Variants in ABCA10 observed in about 807,000 individuals in gnomAD.
ABCA10 encodes the protein ATP-binding cassette sub-family A member 10.
In ABCA10, 169 loss-of-function variants were observed where a neutral mutation model predicts 187.5. The observed-to-expected ratio is 0.90, with a 90% CI of 0.80 to 1.02. The LOEUF (loss-of-function observed/expected upper bound fraction) is 1.02. Ranked by LOEUF, ABCA10 falls within the 50% of genes least tolerant of loss-of-function variation. The pLI, the probability that ABCA10 is intolerant of heterozygous loss-of-function variation, is 0.00. For synonymous variants in ABCA10, 574 were observed against 601.8 expected (o/e 0.95, Z 0.68); for missense variants, 1,727 against 1,812.4 (o/e 0.95, Z 0.86).
chr17:69,244,658 T>G lies in ABCA10; in HGVS notation c.-722A>C, dbSNP rs140910950. Reference sequence around the variant, plus strand: ...ATTAAAAATACATTAAGGATAAACATTTCTATTTCTCAAAAATTAATGCCT... The same window carrying G: ...ATTAAAAATACATTAAGGATAAACAGTTCTATTTCTCAAAAATTAATGCCT... On this transcript the variant is annotated 5_prime_UTR_variant, in exon 1 of 40. Coordinates refer to the ABCA10 transcript ENST00000269081. 12 of 151,648 alleles carry G rather than the reference T, an allele frequency of 7.9e-5. No individual in the cohort carries two copies. The East Asian group carries it at 2.3e-3, about 29-fold the overall frequency. 9.4% of individuals were successfully genotyped at this position (151,648 alleles called of 1,614,324 possible). A position where few individuals can be genotyped will look rare whatever the true frequency, so the allele number is the denominator to read the frequency against.
Position 69,174,313 on chromosome 17 carries a change from T to G in ABCA10, c.3130A>C (p.Asn1044His), listed in dbSNP as rs1347936827. 1 of 1,608,762 alleles carries G rather than the reference T, an allele frequency of 6.2e-7. No individual in the cohort carries two copies. The highest frequency in any genetic ancestry group is 1.7e-5 in the Admixed American group (1 of 58,822). Reference sequence around the variant, plus strand: ...AAGCCAAAAGACCAAAAGCCATTATTTTTTCTCCACTTGCGAAAGATGAAT... The same window carrying G: ...AAGCCAAAAGACCAAAAGCCATTATGTTTTCTCCACTTGCGAAAGATGAAT... ...LSFIFRKWRK[N>H]NGFWSFGFFI... Residue 1044 changes from asparagine (N) to histidine (H), a missense_variant, in exon 25 of 39, where the codon AAT (asparagine) becomes CAT (histidine). Transcript: ENST00000690296.
chr17:69,152,035 T>C lies in ABCA10; in HGVS notation c.4397+8A>G. 6.2e-7 allele frequency: 1 copy of C among 1,605,400 alleles called. No individual in the cohort carries two copies. Among genetic ancestry groups the C allele is most frequent in the African/African-American group, 1.3e-5 (1 of 74,322 alleles). ...ATACTTGTCACTCAAACCGAAAACA[T>C]CCTTTACCTTTCCTGCCAAGCAGCC... On this transcript the variant is annotated splice_region_variant and intron_variant, in intron 36 of 38. Transcript: ENST00000690296.
Position 69,182,198 on chromosome 17 carries a change from A to G in ABCA10, c.2724T>C (p.Phe908=). The G allele has an allele frequency of 6.3e-7, 1 of 1,598,030 alleles. No homozygotes were observed. Among genetic ancestry groups the G allele is most frequent in the Non-Finnish European group, 8.5e-7 (1 of 1,171,832 alleles). The change falls in exon 22 of 39, where the codon TTT becomes TTC. Residue 908 remains phenylalanine, a synonymous_variant. Coordinates refer to ENST00000690296, the MANE Select transcript of ABCA10 (RefSeq NM_001377321.1). ...CCATTTGAATAAGCTCCGTGAAGTT[A>G]AAAATTCCCATAAGGGCATTGCTAA... ...GIVSNALMGI[F]NFTELIQMES... is the part of the protein sequence containing the mutation.
At chr17:69,213,920 C>T (rs550829978) in intron 9 of ABCA10, among the ~76,000 whole-genome samples, 5 of 152,118 alleles carry the variant, frequency 3.3e-5, no homozygotes, top group South Asian at 4.1e-4. Context: ...GCTGATGTTT[C>T]GACAAAAGGG....
chr17:69,227,735 C>T (rs2074805400), intron 1 of ABCA10, among the ~76,000 whole-genome samples: 1 of 151,984 alleles, frequency 6.6e-6, no homozygotes, highest in South Asian at 2.1e-4. Context: ...TTGAATTGCA[C>T]ATCTGGGCAC....
intron 22 of ABCA10, among the ~76,000 whole-genome samples, chr17:69,180,216 A>C (rs2074369049): frequency 6.6e-6 from 1 of 152,228 alleles, no homozygotes; most frequent in African/African-American, 2.4e-5. Context: ...GCAGAAGAGA[A>C]AGCTGTGCCA....
rs374452486 is a variant in ABCA10 at position 69,199,182 on chromosome 17, C to T, written c.1176-2060G>A. Among the ~76,000 whole-genome samples the T allele has an allele frequency of 4.6e-5, 7 of 152,304 alleles. No individual in the cohort carries two copies. In the South Asian group the frequency reaches 1.2e-3, roughly 27 times the overall value. On this transcript the variant is annotated intron_variant, in intron 10 of 38. Transcript: ENST00000690296. ...TCATAAGACTCACCTTAAGAGTCACCTCCTTTTGACTTTCCCCACTACACT... is the reference window on the plus strand; with the variant it reads ...TCATAAGACTCACCTTAAGAGTCACTTCCTTTTGACTTTCCCCACTACACT...
intron 1 of ABCA10, among the ~76,000 whole-genome samples, chr17:69,235,388 A>C (rs970800824): frequency 1.3e-5 from 2 of 152,132 alleles, no homozygotes; most frequent in African/African-American, 4.8e-5. Context: ...GCCTTCTTTA[A>C]GTTTGTTGAA....
At chr17:69,150,284 A>G (rs1442486281) in intron 36 of ABCA10, 1 of 427,802 alleles carries the variant, frequency 2.3e-6, no homozygotes, top group African/African-American at 2.0e-5. Context: ...AATTCTGAGA[A>G]ATAGCTCTGA....
chr17:69,149,974 C>T lies in ABCA10; in HGVS notation c.4477+10G>A, dbSNP rs2074115920. The T allele has an allele frequency of 1.3e-6, 2 of 1,594,368 alleles. No homozygotes were observed. The highest frequency in any genetic ancestry group is 1.3e-5 in the African/African-American group (1 of 74,156). On this transcript the variant is annotated intron_variant, in intron 37 of 38. Transcript: ENST00000690296. ...TACATAAAGTCTTATTTATATATAC[C>T]CAAACTTACTCGCCTCTAACTTGAA... is the stretch of plus-strand genomic sequence containing the variant.
intron 20 of ABCA10, among the ~76,000 whole-genome samples, chr17:69,185,233 G>A (rs2074412082): frequency 6.6e-6 from 1 of 151,938 alleles, no homozygotes; most frequent in Non-Finnish European, 1.5e-5. Context: ...CAAAATCTCA[G>A]AAATCACCAT....
At chr17:69,210,440 C>T (rs1024574925) in intron 9 of ABCA10, among the ~76,000 whole-genome samples, 1 of 151,744 alleles carries the variant, frequency 6.6e-6, no homozygotes, top group African/African-American at 2.4e-5. Flanking sequence ...CCACTCGCCT[C>T]GGCCTCCCAA....
chr17:69,182,017 C>A (rs1459641884), intron 22 of ABCA10, 136 bp downstream of exon 22: 1 of 849,516 alleles, frequency 1.2e-6, no homozygotes, highest in African/African-American at 1.8e-5. Flanking sequence ...GATGAAGACA[C>A]AAAGGCAAGG....
At chr17:69,205,873 T>C (rs888054942) in intron 9 of ABCA10, among the ~76,000 whole-genome samples, 1 of 152,198 alleles carries the variant, frequency 6.6e-6, no homozygotes, top group Admixed American at 6.5e-5. Context: ...TAAAAGCTAA[T>C]TAAAGTCTAG....
intron 34 of ABCA10, 93 bp from the exon 35 acceptor site, chr17:69,152,574 A>G (rs2074138312): frequency 7.4e-6 from 11 of 1,495,182 alleles, no homozygotes; most frequent in Non-Finnish European, 9.0e-6. Context: ...AGAAAATGTT[A>G]TGTTAGGATG....
At chr17:69,163,971 A>G in intron 27 of ABCA10, 103 bp downstream of exon 27, 1 of 781,694 alleles carries the variant, frequency 1.3e-6, no homozygotes, top group Non-Finnish European at 1.9e-6. Flanking sequence ...ATACAGAAAG[A>G]GTGGGTATTT....
At chr17:69,239,377 T>C (rs553380226) in intron 1 of ABCA10, among the ~76,000 whole-genome samples, 1 of 152,212 alleles carries the variant, frequency 6.6e-6, no homozygotes, top group African/African-American at 2.4e-5. Flanking sequence ...AAGATACATA[T>C]TTATAATTGT....
chr17:69,192,806 C>T (rs979650060), intron 15 of ABCA10, among the ~76,000 whole-genome samples, 153 bp from the exon 16 acceptor site: 6 of 152,070 alleles, frequency 3.9e-5, no homozygotes, highest in Admixed American at 3.9e-4. Context: ...ATTTCTAATC[C>T]CCATGCCTAT....
At chr17:69,149,197 A>G in intron 37 of ABCA10, 109 bp from the exon 38 acceptor site, 1 of 1,148,982 alleles carries the variant, frequency 8.7e-7, no homozygotes. Context: ...TGTAAGATAT[A>G]GGCCAAATAA....
Sources: gnomAD v4.1 joint callset for allele counts (sites outside exome capture counted in the v4.1 genomes callset) on GRCh38, gnomAD v4.1.1 for gene constraint, MANE v1.5 for transcripts, NCBI Gene and HGNC (gene_info 2026-07-23, HGNC 2026-07-21) for gene names.